The following ARHGEF7 variants were observed in gnomAD, a reference collection of about 807,000 sequenced individuals.
The protein encoded by ARHGEF7 is Rho guanine nucleotide exchange factor 7, also known as PAK-interacting exchange factor beta.
In ARHGEF7, 33 loss-of-function variants were observed where a neutral mutation model predicts 109.8. The ratio of observed to expected loss-of-function variants is 0.30; its 90% CI spans 0.23 to 0.40. The LOEUF is 0.40. ARHGEF7 is among the 10% of genes least tolerant of loss of function. The pLI is 1.00. For missense variants in ARHGEF7, 938 were observed against 1,098.5 expected, an observed-to-expected ratio of 0.85 and a Z score of 2.07; for synonymous variants, 458 against 424.6, an observed-to-expected ratio of 1.08 and a Z score of -0.97.
intron 2 of ARHGEF7, among the ~76,000 whole-genome samples, chr13:111,172,750 A>C (rs565475977): frequency 1.3e-5 from 2 of 152,142 alleles, no homozygotes; most frequent in East Asian, 3.9e-4. Context: ...GACAGTAACT[A>C]TCTTGTGGGG....
At chr13:111,135,804 T>A (rs1228827192) in intron 1 of ARHGEF7, among the ~76,000 whole-genome samples, 1 of 152,226 alleles carries the variant, frequency 6.6e-6, no homozygotes, top group East Asian at 1.9e-4. Flanking sequence ...TCCTTCCTGA[T>A]TGCCCTGGCT....
chr13:111,232,822 G>C (rs1245715008), intron 5 of ARHGEF7, among the ~76,000 whole-genome samples: 2 of 152,142 alleles, frequency 1.3e-5, no homozygotes, highest in African/African-American at 4.8e-5. Context: ...TTTTAGCCCT[G>C]ATGTTTTAAT....
intron 1 of ARHGEF7, among the ~76,000 whole-genome samples, chr13:111,136,404 A>G (rs1302186009): frequency 6.6e-6 from 1 of 152,258 alleles, no homozygotes; most frequent in Non-Finnish European, 1.5e-5. Context: ...CTCTCAGACC[A>G]CAGTGCAATC....
intron 8 of ARHGEF7, among the ~76,000 whole-genome samples, chr13:111,251,537 C>T (rs574575048): frequency 3.2e-4 from 48 of 152,042 alleles, no homozygotes; most frequent in Non-Finnish European, 6.2e-4. Flanking sequence ...CACAGAGACT[C>T]CAGAAAGGAG....
At chr13:111,301,105 C>T (rs563573525) in intron 20 of ARHGEF7, among the ~76,000 whole-genome samples, 6 of 152,224 alleles carry the variant, frequency 3.9e-5, no homozygotes, top group Admixed American at 6.5e-5. Flanking sequence ...TGTGCCACCA[C>T]GCCTGGCTAA....
intron 2 of ARHGEF7, among the ~76,000 whole-genome samples, chr13:111,179,968 G>C (rs1283260953): frequency 6.6e-6 from 1 of 152,146 alleles, no homozygotes; most frequent in East Asian, 1.9e-4. Flanking sequence ...CGGTTATAAG[G>C]GTGCCTTTCC....
intron 2 of ARHGEF7, among the ~76,000 whole-genome samples, chr13:111,174,420 C>T (rs574666724): frequency 9.5e-4 from 145 of 152,340 alleles, no homozygotes; most frequent in African/African-American, 3.4e-3. Flanking sequence ...TGACAGATTT[C>T]TGCCCACCCA....
chr13:111,124,068 C>T (rs561127132), intron 1 of ARHGEF7, among the ~76,000 whole-genome samples: 6 of 151,896 alleles, frequency 4.0e-5, no homozygotes, highest in South Asian at 2.1e-4. Flanking sequence ...TCTTTTTTCT[C>T]GTTATCTGGT....
chr13:111,141,322 A>G (rs1594962854), intron 1 of ARHGEF7, among the ~76,000 whole-genome samples: 1 of 149,196 alleles, frequency 6.7e-6, no homozygotes, highest in African/African-American at 2.5e-5. Flanking sequence ...CCTCAACTCA[A>G]CCCCTGGCAA....
rs1444948185 is a variant in ARHGEF7 at position 111,150,294 on chromosome 13, A to AATTCT, written c.166-3605_166-3601dup. 3.3e-5 allele frequency among the ~76,000 whole-genome samples: 5 copies of AATTCT among 152,320 alleles called. No individual in the cohort carries two copies. In the South Asian group the frequency reaches 1.0e-3, roughly 32 times the overall value. On this transcript the variant is annotated intron_variant, in intron 1 of 21. Coordinates refer to ENST00000646102, the MANE Select transcript of ARHGEF7 (RefSeq NM_001354046.2). ...TCATTGAAAATGTTTTCCAAGGCAG[A>AATTCT]ATTCTATTCTGATATTTTGGCTGCT...
intron 1 of ARHGEF7, among the ~76,000 whole-genome samples, chr13:111,133,770 TA>T (rs2074921264): frequency 2.8e-4 from 3 of 10,640 alleles, no homozygotes; most frequent in African/African-American, 1.4e-3. Flanking sequence ...TCTTTATATA[TA>T]TATATATATA....
intron 19 of ARHGEF7, chr13:111,293,319 C>T: frequency 1.0e-6 from 1 of 985,326 alleles, no homozygotes; most frequent in African/African-American, 1.7e-5. Flanking sequence ...TTTCAGCAAC[C>T]AGCTGCAGTG....
intron 1 of ARHGEF7, among the ~76,000 whole-genome samples, chr13:111,135,830 G>A (rs1158370391): frequency 6.6e-6 from 1 of 152,070 alleles, no homozygotes; most frequent in Non-Finnish European, 1.5e-5. Flanking sequence ...TTCCAACACT[G>A]TGTTGAATAG....
intron 9 of ARHGEF7, among the ~76,000 whole-genome samples, chr13:111,268,125 A>T (rs953539646): frequency 1.3e-5 from 2 of 152,216 alleles, no homozygotes; most frequent in African/African-American, 4.8e-5. Flanking sequence ...AACAAGTGCA[A>T]CAGAGAATGC....
At chr13:111,283,402 G>A in intron 16 of ARHGEF7, 39 bp downstream of exon 16, 1 of 1,532,354 alleles carries the variant, frequency 6.5e-7, no homozygotes, top group South Asian at 1.2e-5. Context: ...AGATGACGGT[G>A]AGCATGCCTC....
intron 5 of ARHGEF7, among the ~76,000 whole-genome samples, chr13:111,230,349 T>C (rs1025946911): frequency 1.3e-5 from 2 of 152,200 alleles, no homozygotes; most frequent in African/African-American, 4.8e-5. Flanking sequence ...TTCTAATCTA[T>C]TTCCTGGCTG....
chr13:111,171,749 G>T (rs1238380153), intron 2 of ARHGEF7, among the ~76,000 whole-genome samples: 2 of 152,228 alleles, frequency 1.3e-5, no homozygotes, highest in African/African-American at 4.8e-5. Context: ...CTGAATGTTT[G>T]TGTCTCCTCC....
rs942560437 is a variant in ARHGEF7 at position 111,277,325 on chromosome 13, C to G, written c.1420-262C>G. Among the ~76,000 whole-genome samples, 16 of 152,132 alleles carry G rather than the reference C, an allele frequency of 1.1e-4. 1 individual carries two copies. The highest frequency in any genetic ancestry group is 9.8e-4 in the Admixed American group (15 of 15,276). On this transcript the variant is annotated intron_variant, in intron 12 of 21. Transcript: ENST00000646102. ...TTAATCAGTCCGTTTACTTTCTTAC[C>G]TTTTGTTTTTTGAAGAATTTGGAAG...
intron 2 of ARHGEF7, among the ~76,000 whole-genome samples, chr13:111,191,494 A>G (rs2079886476): frequency 6.6e-6 from 1 of 152,208 alleles, no homozygotes; most frequent in South Asian, 2.1e-4. Context: ...ATGATTGCAT[A>G]TTTAGAAGTT....
Sources: gnomAD v4.1 joint callset for allele counts (sites outside exome capture counted in the v4.1 genomes callset) on GRCh38, gnomAD v4.1.1 for gene constraint, MANE v1.5 for transcripts, NCBI Gene and HGNC (gene_info 2026-07-23, HGNC 2026-07-21) for gene names.